MOB1B: variants seen among roughly 807,000 people sequenced by gnomAD.
The protein encoded by MOB1B is MOB1 Mps One Binder homolog B.
MOB1B carries 19 observed loss-of-function variants against 24.4 expected under a neutral mutation model. That is an observed-to-expected ratio of 0.78 (90% confidence interval 0.54 to 1.14). The LOEUF (loss-of-function observed/expected upper bound fraction) is 1.14. MOB1B is among the 50% of genes most tolerant of loss of function. MOB1B has a pLI of 0.00. For synonymous variants in MOB1B, 76 were observed against 82.1 expected (o/e 0.93, Z 0.40); for missense variants, 243 against 259.6 (o/e 0.94, Z 0.44).
rs375470864 is a variant in MOB1B, at chr4:70,960,844, C to T, written c.181+1804C>T. On this transcript the variant is annotated intron_variant, in intron 2 of 5. Transcript: ENST00000309395. ...TGTAAAATTTGAGAGTTCATTTACTCATGTTTAAAATGTAAGGAAGGCTGT... is the reference window on the plus strand; with the variant it reads ...TGTAAAATTTGAGAGTTCATTTACTTATGTTTAAAATGTAAGGAAGGCTGT... Among the ~76,000 whole-genome samples the T allele has an allele frequency of 2.9e-4, 44 of 152,224 alleles. No homozygotes were observed. In the South Asian group the frequency reaches 8.9e-3, roughly 31 times the overall value.
At chr4:70,922,075 C>T (rs1487763849) in intron 1 of MOB1B, among the ~76,000 whole-genome samples, 1 of 152,152 alleles carries the variant, frequency 6.6e-6, no homozygotes, top group Admixed American at 6.5e-5. Context: ...TAACATAATC[C>T]TTTCTGGCAC....
intron 1 of MOB1B, among the ~76,000 whole-genome samples, chr4:70,947,751 G>A (rs1737645596): frequency 1.3e-5 from 2 of 152,052 alleles, no homozygotes. Context: ...TGAGTAGCTG[G>A]GGCAGCAGGT....
Position 70,973,791 on chromosome 4 carries a change from GT to G in MOB1B, c.276-1361del, listed in dbSNP as rs531293449. On this transcript the variant is annotated intron_variant, in intron 3 of 5. Coordinates refer to ENST00000309395, the MANE Select transcript of MOB1B (RefSeq NM_173468.4). ...TTGCCCCACTTTTGGCAGTAAGGTT[GT>G]CTACAGAATGTTTAATTCAGGTATA... Among the ~76,000 whole-genome samples the G allele has an allele frequency of 3.3e-4, 50 of 152,330 alleles. No individual in the cohort carries two copies. In the East Asian group the frequency reaches 7.9e-3, roughly 24 times the overall value.
In MOB1B at chr4:70,986,320, C is replaced by G. The variant is rs1282314857; in HGVS notation, c.*4263C>G. 1 of 151,880 alleles carries G rather than the reference C, an allele frequency of 6.6e-6. No homozygotes were observed. The highest frequency in any genetic ancestry group is 1.5e-5 in the Non-Finnish European group (1 of 67,952). The allele number at this position is 151,880 out of a possible 1,614,324, so 9.4% of individuals were successfully genotyped here. On this transcript the variant is annotated 3_prime_UTR_variant, in exon 6 of 6. Coordinates refer to ENST00000309395, the MANE Select transcript of MOB1B (RefSeq NM_173468.4). Reference sequence around the variant, plus strand: ...TGAACAATTTGACTTTAATAAAAGACTGGAGATTTTTGTACAAAGAAATAG... The same window carrying G: ...TGAACAATTTGACTTTAATAAAAGAGTGGAGATTTTTGTACAAAGAAATAG...
intron 1 of MOB1B, among the ~76,000 whole-genome samples, chr4:70,953,689 T>C (rs1447823230): frequency 1.3e-5 from 2 of 152,170 alleles, no homozygotes; most frequent in Non-Finnish European, 2.9e-5. Flanking sequence ...ATGCCTGTCA[T>C]TCCCAGCACT....
chr4:70,969,052 C>G (rs1417541493), intron 2 of MOB1B, among the ~76,000 whole-genome samples: 1 of 152,190 alleles, frequency 6.6e-6, no homozygotes, highest in Non-Finnish European at 1.5e-5. Flanking sequence ...GCATCTGTTT[C>G]TGTAACTGCC....
intron 1 of MOB1B, among the ~76,000 whole-genome samples, chr4:70,920,270 C>T (rs2148872740): frequency 6.6e-6 from 1 of 152,142 alleles, no homozygotes; most frequent in Admixed American, 6.6e-5. Context: ...TTCTCCTTCT[C>T]CTTCTCCTTC....
At chr4:70,936,097 C>T (rs572097282) in intron 1 of MOB1B, among the ~76,000 whole-genome samples, 21 of 152,054 alleles carry the variant, frequency 1.4e-4, no homozygotes, top group Admixed American at 3.9e-4. Flanking sequence ...GTGATCCGCC[C>T]GCCTCGGCCT....
chr4:70,938,084 C>T (rs533285320), intron 1 of MOB1B, among the ~76,000 whole-genome samples: 9 of 151,408 alleles, frequency 5.9e-5, no homozygotes, highest in South Asian at 4.2e-4. Context: ...ATTTTGGTGT[C>T]GTCTCTCATG....
At chr4:70,943,967 G>C (rs776402707) in intron 1 of MOB1B, among the ~76,000 whole-genome samples, 1 of 151,610 alleles carries the variant, frequency 6.6e-6, no homozygotes, top group Non-Finnish European at 1.5e-5. Flanking sequence ...AAAAAACACA[G>C]ATCACAATTT....
chr4:70,976,768 A>ATC (rs1560667265), intron 4 of MOB1B: 1 of 215,702 alleles, frequency 4.6e-6, no homozygotes, highest in East Asian at 1.9e-4. Flanking sequence ...ATATATATAT[A>ATC]TATATATCTC....
chr4:70,939,067 T>C (rs532999765), intron 1 of MOB1B, among the ~76,000 whole-genome samples: 3 of 152,272 alleles, frequency 2.0e-5, no homozygotes, highest in East Asian at 3.9e-4. Flanking sequence ...AAAGGAAATA[T>C]CAAATTTGTT....
intron 1 of MOB1B, among the ~76,000 whole-genome samples, chr4:70,951,830 G>C (rs986562193): frequency 2.0e-5 from 3 of 152,190 alleles, no homozygotes; most frequent in African/African-American, 7.2e-5. Flanking sequence ...TCATGCCCCT[G>C]CATTCCTGCC....
intron 2 of MOB1B, among the ~76,000 whole-genome samples, chr4:70,967,019 T>C (rs13126044): frequency 0.16 from 25,087 of 152,214 alleles, 2,081 homozygotes; most frequent in South Asian, 0.23. Context: ...AGAACTTTCT[T>C]CTGATAAAGC....
At chr4:70,958,618 A>G (rs1041849291) in intron 1 of MOB1B, 1 of 529,728 alleles carries the variant, frequency 1.9e-6, no homozygotes. Flanking sequence ...CTAAAACATC[A>G]TGGAAGTACT....
chr4:70,957,430 C>G (rs1309772480), intron 1 of MOB1B, among the ~76,000 whole-genome samples: 1 of 150,330 alleles, frequency 6.7e-6, no homozygotes, highest in Non-Finnish European at 1.5e-5. Flanking sequence ...CTCGCTCTCT[C>G]TCTCTTTTTT....
rs28391823 is a variant in MOB1B at position 70,938,098 on chromosome 4, G to A, written c.15-20776G>A. 6.8e-3 allele frequency among the ~76,000 whole-genome samples: 1,036 copies of A among 151,848 alleles called. 15 individuals are homozygous for A. Among genetic ancestry groups the A allele is most frequent in the African/African-American group, 0.022 (901 of 41,402 alleles). ...GATTTTGGTGTCGTCTCTCATGTTAGAAGCTTCCTTCCAGTGTCTGGTAAC... is the reference window on the plus strand; with the variant it reads ...GATTTTGGTGTCGTCTCTCATGTTAAAAGCTTCCTTCCAGTGTCTGGTAAC... On this transcript the variant is annotated intron_variant, in intron 1 of 5. Transcript: ENST00000309395.
rs1190631091 is a variant in MOB1B, at chr4:70,986,460, G to A, written c.*4403G>A. 1 of 151,656 alleles carries A rather than the reference G, an allele frequency of 6.6e-6. No homozygotes were observed. Among genetic ancestry groups the A allele is most frequent in the Non-Finnish European group, 1.5e-5 (1 of 67,888 alleles). 9.4% of individuals were successfully genotyped at this position (151,656 alleles called of 1,614,324 possible). ...CTTTTAATGTCTTTTTAAAAGATGT[G>A]GGACCAAAAATATATTTATAATTTG... On this transcript the variant is annotated 3_prime_UTR_variant, in exon 6 of 6. Coordinates refer to ENST00000309395, the MANE Select transcript of MOB1B (RefSeq NM_173468.4).
intron 1 of MOB1B, among the ~76,000 whole-genome samples, chr4:70,939,374 T>C (rs1036356561): frequency 7.9e-5 from 12 of 152,170 alleles, no homozygotes; most frequent in African/African-American, 2.9e-4. Flanking sequence ...ACTGATTTAA[T>C]GTCCCTAAGA....
Sources: allele counts gnomAD v4.1 joint callset (sites outside exome capture counted in the v4.1 genomes callset), GRCh38; gene constraint gnomAD v4.1.1; transcripts MANE v1.5; gene names NCBI Gene and HGNC (gene_info 2026-07-23, HGNC 2026-07-21).